Variants in RNF149 observed in about 807,000 individuals in gnomAD.
RNF149 encodes ring finger protein 149.
RNF149 carries 21 observed loss-of-function variants against 39.0 expected under a neutral mutation model. The ratio of observed to expected loss-of-function variants is 0.54; its 90% CI spans 0.38 to 0.77. The LOEUF is 0.77. Among genes scored for constraint, RNF149 ranks in the 30% least tolerant of loss-of-function variants. The pLI, the probability that RNF149 is intolerant of heterozygous loss-of-function variation, is 0.00. For synonymous variants in RNF149, 209 were observed against 213.6 expected, an observed-to-expected ratio of 0.98 and a Z score of 0.19; for missense variants, 493 against 534.9, an observed-to-expected ratio of 0.92 and a Z score of 0.77.
Position 101,281,896 on chromosome 2 carries a change from G to C in RNF149, c.1122C>G (p.Ser374Arg). The C allele has an allele frequency of 6.2e-7, 1 of 1,614,018 alleles. No homozygotes were observed. The highest frequency in any genetic ancestry group is 8.5e-7 in the Non-Finnish European group (1 of 1,180,004). ...TATTTTCTCCTGCATCTCCTTTAAA[G>C]CTGGGATCACACTGTGGCTCAGATT... is the stretch of plus-strand genomic sequence containing the variant. ...PAESEPQCDP[S>R]FKGDAGENTA... is the part of the protein sequence containing the mutation. The change falls in exon 6 of 7, where the codon AGC becomes AGG. Residue 374 changes from serine (S) to arginine (R), a missense_variant. By Grantham distance (110) the Ser-to-Arg change is moderately radical (BLOSUM62 -1). Coordinates refer to ENST00000295317, the MANE Select transcript of RNF149 (RefSeq NM_173647.4).
chr2:101,299,278 G>T (rs1291665117), intron 1 of RNF149, among the ~76,000 whole-genome samples: 1 of 152,154 alleles, frequency 6.6e-6, no homozygotes, highest in Non-Finnish European at 1.5e-5. Flanking sequence ...ATCCACTGTG[G>T]ATCTCAAGCT....
rs147215399 is a variant in RNF149, at chr2:101,281,738, C to T, written c.1159+121G>A. 1.3e-3 allele frequency: 1,648 copies of T among 1,242,460 alleles called. 13 individuals carry two copies. In the African/African-American group the frequency reaches 0.022, roughly 17 times the overall value. 77.0% of individuals were successfully genotyped at this position (1,242,460 alleles called of 1,614,324 possible). Reference sequence around the variant, plus strand: ...CTGTTCTCAAATTTCTGGTTACTTACTCTTCGATAGCTCAAACTCGAGCAA... The same window carrying T: ...CTGTTCTCAAATTTCTGGTTACTTATTCTTCGATAGCTCAAACTCGAGCAA... On this transcript the variant is annotated intron_variant, in intron 6 of 6. Coordinates refer to ENST00000295317, the MANE Select transcript of RNF149 (RefSeq NM_173647.4).
At chr2:101,304,944 G>A (rs200574744) in intron 1 of RNF149, among the ~76,000 whole-genome samples, 6 of 149,682 alleles carry the variant, frequency 4.0e-5, no homozygotes, top group African/African-American at 9.8e-5. Flanking sequence ...AGGTTCAAGC[G>A]ATTCTCCTGC....
downstream of RNF149, among the ~76,000 whole-genome samples, chr2:101,271,902 T>C (rs1000934836): frequency 6.6e-6 from 1 of 152,242 alleles, no homozygotes; most frequent in Non-Finnish European, 1.5e-5. Flanking sequence ...TCTTATAGTG[T>C]ACATATACAT....
chr2:101,295,395 C>T lies in RNF149; in HGVS notation c.461-214G>A, dbSNP rs548179878. Among the ~76,000 whole-genome samples, 20 of 152,134 alleles carry T rather than the reference C, an allele frequency of 1.3e-4. No homozygotes were observed. In the East Asian group the frequency reaches 2.7e-3, roughly 21 times the overall value. On this transcript the variant is annotated intron_variant, in intron 1 of 6. Coordinates refer to ENST00000295317, the MANE Select transcript of RNF149 (RefSeq NM_173647.4). ...TAAGAACTATTCCCCTGGCCGGGCA[C>T]GGTGCCTGCCTGTAATAGCACTTTG... is the stretch of plus-strand genomic sequence containing the variant.
At chr2:101,274,304 G>C (rs1047882681), downstream of RNF149, among the ~76,000 whole-genome samples, 2 of 152,198 alleles carry the variant, frequency 1.3e-5, no homozygotes, top group Admixed American at 1.3e-4. Flanking sequence ...CCATGGACAA[G>C]ATGCCAGGAC....
chr2:101,308,261 C>A lies in RNF149; in HGVS notation c.328G>T (p.Val110Phe), dbSNP rs200715973. The change falls in exon 1 of 7, where the codon GTC (valine) becomes TTC (phenylalanine). Residue 110 changes from valine to phenylalanine, a missense_variant. Transcript: ENST00000295317. The stretch of plus-strand genomic sequence containing the variant: ...CAGCCCCCACGAGCCACCAGGGCGA[C>A]CCAGGGCGCGGCCCCTCGGCCGCCG... ...EPGGRGAAPW[V>F]ALVARGGCTF... The A allele has an allele frequency of 1.1e-5, 18 of 1,587,306 alleles. No homozygotes were observed. In the East Asian group the frequency reaches 3.9e-4, roughly 35 times the overall value.
chr2:101,288,822 T>A, intron 4 of RNF149, 151 bp downstream of exon 4: 1 of 579,642 alleles, frequency 1.7e-6, no homozygotes, highest in Non-Finnish European at 3.1e-6. Flanking sequence ...AGGGAAGATA[T>A]TATATTTAAA....
intron 3 of RNF149, 42 bp downstream of exon 3, chr2:101,293,967 TCTCTA>T (rs778615703): frequency 1.7e-5 from 19 of 1,107,682 alleles, no homozygotes; most frequent in Non-Finnish European, 2.6e-5. Context: ...TACAGCATAT[TCTCTA>T]CTCTAAACCA....
At chr2:101,307,801 GAA>G (rs1258826244) in intron 1 of RNF149, 2 of 985,094 alleles carry the variant, frequency 2.0e-6, no homozygotes, top group African/African-American at 3.5e-5. Flanking sequence ...GCGGTGAATG[GAA>G]AAGAGGCCCA....
Position 101,276,963 on chromosome 2 carries a change from A to G in RNF149, c.*275T>C. 8.6e-7 allele frequency: 1 copy of G among 1,162,066 alleles called. No homozygotes were observed. The highest frequency in any genetic ancestry group is 2.1e-5 in the South Asian group (1 of 48,066). 72.0% of individuals were successfully genotyped at this position (1,162,066 alleles called of 1,614,324 possible). A position where few individuals can be genotyped will look rare whatever the true frequency, so the allele number is the denominator to read the frequency against. Reference sequence around the variant, plus strand: ...TTTAGAAACACCACCTGTCCTTTATATTAGAGTACCTGCCCCAGTTGTCTT... The same window carrying G: ...TTTAGAAACACCACCTGTCCTTTATGTTAGAGTACCTGCCCCAGTTGTCTT... On this transcript the variant is annotated 3_prime_UTR_variant, in exon 7 of 7. Transcript: ENST00000295317.
chr2:101,304,508 T>G (rs1430449956), intron 1 of RNF149, among the ~76,000 whole-genome samples: 1 of 152,184 alleles, frequency 6.6e-6, no homozygotes, highest in African/African-American at 2.4e-5. Context: ...AAGTTCTGTG[T>G]ATCACTCCTA....
rs772352593 is a variant in RNF149 at position 101,295,084 on chromosome 2, C to A, written c.558G>T (p.Gly186=). ...QKGIPVTMTI[G]VGTRHVQEFI... ...ACTCCTGTACATGCCGGGTGCCAAC[C>A]CCTATGGTCATCGTTACTGGAATTC... The change falls in exon 2 of 7, where the codon GGG becomes GGT. Residue 186 remains glycine (G), a synonymous_variant. Transcript: ENST00000295317. 3.7e-6 allele frequency: 6 copies of A among 1,614,048 alleles called. No individual in the cohort carries two copies. Among genetic ancestry groups the A allele is most frequent in the Non-Finnish European group, 5.1e-6 (6 of 1,180,034 alleles).
chr2:101,307,325 GC>G (rs1683704049), intron 1 of RNF149, among the ~76,000 whole-genome samples: 1 of 152,102 alleles, frequency 6.6e-6, no homozygotes, highest in Admixed American at 6.6e-5. Flanking sequence ...GAGACTACGG[GC>G]GGGCGCCACC....
downstream of RNF149, among the ~76,000 whole-genome samples, chr2:101,274,496 G>A (rs188186279): frequency 3.3e-5 from 5 of 152,308 alleles, no homozygotes; most frequent in East Asian, 7.7e-4. Flanking sequence ...GAAATTTTCT[G>A]CTGTCTTTGG....
At position 101,308,457 on chromosome 2, in the gene RNF149, G is replaced by A; in HGVS notation, c.132C>T (p.Ile44=). Residue 44 remains isoleucine (I), a synonymous_variant, in exon 1 of 7, where the codon ATC becomes ATT. Transcript: ENST00000295317. ...GGTTGGTCTGCGGGTCCACGTACTC[G>A]ATGTTTACCACGGCCGAGAACCACT... ...ALEWFSAVVN[I]EYVDPQTNLT... 2 of 1,611,652 alleles carry A rather than the reference G, an allele frequency of 1.2e-6. No individual in the cohort carries two copies. The highest frequency in any genetic ancestry group is 1.7e-6 in the Non-Finnish European group (2 of 1,179,390).
At chr2:101,286,003 G>A in intron 5 of RNF149, 78 bp downstream of exon 5, 2 of 833,674 alleles carry the variant, frequency 2.4e-6, no homozygotes, top group Admixed American at 2.1e-5. Flanking sequence ...TGTTCCTCTT[G>A]TTTCTAGTCA....
chr2:101,286,061 T>C lies in RNF149; in HGVS notation c.960+20A>G. 1.4e-6 allele frequency: 2 copies of C among 1,447,228 alleles called. No homozygotes were observed. Among genetic ancestry groups the C allele is most frequent in the East Asian group, 2.3e-5 (1 of 43,956 alleles). The allele number at this position is 1,447,228 out of a possible 1,614,324, so 89.6% of individuals were successfully genotyped here. On this transcript the variant is annotated intron_variant, in intron 5 of 6. Transcript: ENST00000295317. ...GAAGAACTGGGGCAGAGATTGAATA[T>C]AAACAAAAATGTAACAAACCCAATA...
intron 3 of RNF149, among the ~76,000 whole-genome samples, chr2:101,291,207 G>C (rs988055371): frequency 2.6e-5 from 4 of 151,952 alleles, no homozygotes; most frequent in African/African-American, 9.7e-5. Context: ...CTGGAGGGCA[G>C]TGGCGCGATC....
Sources: gnomAD v4.1 joint callset for allele counts (sites outside exome capture counted in the v4.1 genomes callset) on GRCh38, gnomAD v4.1.1 for gene constraint, MANE v1.5 for transcripts, NCBI Gene and HGNC (gene_info 2026-07-23, HGNC 2026-07-21) for gene names.